The following ACP3 variants were observed in gnomAD, a reference collection of about 807,000 sequenced individuals.
The protein encoded by ACP3 is prostatic acid phosphatase.
A neutral mutation model predicts 45.6 loss-of-function variants in ACP3; 38 were observed. That is an observed-to-expected ratio of 0.83 (90% CI 0.64 to 1.09). The LOEUF (loss-of-function observed/expected upper bound fraction) is 1.09. ACP3 is among the 50% of genes least tolerant of loss of function. ACP3 has a pLI of 0.00. For missense variants in ACP3, 466 were observed against 463.2 expected, an observed-to-expected ratio of 1.01 and a Z score of -0.05; for synonymous variants, 162 against 164.7, an observed-to-expected ratio of 0.98 and a Z score of 0.13.
At chr3:132,348,237 C>T (rs189940917) in intron 7 of ACP3, among the ~76,000 whole-genome samples, 8 of 152,138 alleles carry the variant, frequency 5.3e-5, no homozygotes, top group South Asian at 2.1e-4. Context: ...GTCTAGTTTA[C>T]GAAGATTTAA....
intron 9 of ACP3, among the ~76,000 whole-genome samples, chr3:132,356,319 A>G (rs572961689): frequency 1.3e-5 from 2 of 152,248 alleles, no homozygotes; most frequent in African/African-American, 4.8e-5. Context: ...TGAGAAGCCT[A>G]AAAAGAAGGG....
chr3:132,364,794 G>A (rs1304748901), intron 10 of ACP3, among the ~76,000 whole-genome samples: 2 of 152,154 alleles, frequency 1.3e-5, no homozygotes, highest in Non-Finnish European at 2.9e-5. Context: ...AGAAAAGCAT[G>A]TTCCATCAGA....
rs189306604 is a variant in ACP3 at position 132,348,905 on chromosome 3, C to T, written c.782-1015C>T. 1.6e-3 allele frequency among the ~76,000 whole-genome samples: 245 copies of T among 150,982 alleles called. 1 individual carries two copies. The highest frequency in any genetic ancestry group is 5.7e-3 in the African/African-American group (235 of 41,316). On this transcript the variant is annotated intron_variant, in intron 7 of 9. Transcript: ENST00000336375. ...CTGATTCTCCTAGCACAGTATCTGG[C>T]GCATCATAGCTGCTCAGTGTGTGTT...
intron 9 of ACP3, 147 bp from the exon 10 acceptor site, chr3:132,356,539 T>G: frequency 6.8e-7 from 1 of 1,464,650 alleles, no homozygotes; most frequent in Non-Finnish European, 9.2e-7. Flanking sequence ...AGTCTCCCCA[T>G]TTACACACCT....
At chr3:132,327,514 G>GA (rs111653948) in intron 1 of ACP3, among the ~76,000 whole-genome samples, 13,820 of 130,514 alleles carry the variant, frequency 0.11, 704 homozygotes, top group Middle Eastern at 0.15. Context: ...ACTCAGTCTC[G>GA]AAAAAAAAAA....
chr3:132,365,356 T>C (rs1189584366), intron 10 of ACP3, among the ~76,000 whole-genome samples: 2 of 152,144 alleles, frequency 1.3e-5, no homozygotes, highest in African/African-American at 2.4e-5. Context: ...GAAGGTCTCA[T>C]GGAGATGAGA....
At chr3:132,344,777 A>G (rs1328511405) in intron 6 of ACP3, 150 bp from the exon 7 acceptor site, 2 of 814,144 alleles carry the variant, frequency 2.5e-6, no homozygotes, top group East Asian at 2.7e-5. Flanking sequence ...CAATACCACT[A>G]CTTATCACAA....
chr3:132,361,230 A>G (rs1180080152), downstream of ACP3, among the ~76,000 whole-genome samples: 1 of 152,168 alleles, frequency 6.6e-6, no homozygotes, highest in Non-Finnish European at 1.5e-5. Flanking sequence ...CCCTTGTTCA[A>G]TGATATCCAG....
Position 132,357,664 on chromosome 3 carries a change from C to T in ACP3, c.*786C>T, listed in dbSNP as rs1020267871. On this transcript the variant is annotated 3_prime_UTR_variant, in exon 10 of 10. Coordinates refer to ENST00000336375, the MANE Select transcript of ACP3 (RefSeq NM_001099.5). ...ATCTGATGAGAACAAGCTATTTGGG[C>T]ACAACACATCAGGAAAGAGAGCACC... The T allele has an allele frequency of 1.0e-6, 1 of 985,140 alleles. No homozygotes were observed. The highest frequency in any genetic ancestry group is 1.2e-6 in the Non-Finnish European group (1 of 829,866). 61.0% of individuals were successfully genotyped at this position (985,140 alleles called of 1,614,324 possible).
intron 8 of ACP3, among the ~76,000 whole-genome samples, 169 bp downstream of exon 8, chr3:132,350,171 T>C (rs1345511127): frequency 2.4e-5 from 3 of 122,546 alleles, no homozygotes; most frequent in African/African-American, 8.3e-5. Flanking sequence ...AAGGGATTTA[T>C]AATCTAAACT....
chr3:132,337,174 C>T (rs973557678), intron 4 of ACP3, among the ~76,000 whole-genome samples: 9 of 150,950 alleles, frequency 6.0e-5, no homozygotes, highest in Admixed American at 4.0e-4. Flanking sequence ...CGTGGAAGAT[C>T]GAGAAGTGTA....
chr3:132,359,400 C>T (rs182894500), downstream of ACP3, among the ~76,000 whole-genome samples: 4 of 152,076 alleles, frequency 2.6e-5, no homozygotes, highest in Admixed American at 1.3e-4. Context: ...CCCAGCTACT[C>T]GGGAGGCTGA....
At chr3:132,335,692 G>T (rs1002632151) in intron 4 of ACP3, among the ~76,000 whole-genome samples, 2 of 152,174 alleles carry the variant, frequency 1.3e-5, no homozygotes, top group African/African-American at 4.8e-5. Flanking sequence ...CAATGGGGGA[G>T]TGTTCAAGGC....
intron 9 of ACP3, among the ~76,000 whole-genome samples, chr3:132,355,519 T>C (rs943038984): frequency 6.6e-6 from 1 of 151,580 alleles, no homozygotes; most frequent in East Asian, 1.9e-4. Flanking sequence ...ATTTTTATTT[T>C]ATTTTATTTT....
At chr3:132,329,570 G>T (rs1377716719) in intron 2 of ACP3, among the ~76,000 whole-genome samples, 1 of 152,188 alleles carries the variant, frequency 6.6e-6, no homozygotes, top group Non-Finnish European at 1.5e-5. Flanking sequence ...CAAAAATTCA[G>T]ATTTGCTTGT....
intron 7 of ACP3, 41 bp downstream of exon 7, chr3:132,345,100 T>C: frequency 6.4e-7 from 1 of 1,571,708 alleles, no homozygotes; most frequent in Non-Finnish European, 8.7e-7. Flanking sequence ...GGATTTGTGG[T>C]TGAATGATCC....
intron 5 of ACP3, among the ~76,000 whole-genome samples, chr3:132,340,167 T>C (rs1003303677): frequency 6.6e-6 from 1 of 151,960 alleles, no homozygotes; most frequent in African/African-American, 2.4e-5. Flanking sequence ...CACAAAAAAT[T>C]AGCCAGGCGT....
At chr3:132,323,465 C>T (rs1937241444) in intron 1 of ACP3, among the ~76,000 whole-genome samples, 1 of 151,794 alleles carries the variant, frequency 6.6e-6, no homozygotes. Context: ...AATAAGAAAA[C>T]ATCAGGAATA....
At chr3:132,323,408 G>A (rs1271147794) in intron 1 of ACP3, among the ~76,000 whole-genome samples, 1 of 152,130 alleles carries the variant, frequency 6.6e-6, no homozygotes, top group African/African-American at 2.4e-5. Flanking sequence ...GGAGTTTCTA[G>A]GGACAGGGAG....
Sources: gnomAD v4.1 joint callset for allele counts (sites outside exome capture counted in the v4.1 genomes callset) on GRCh38, gnomAD v4.1.1 for gene constraint, MANE v1.5 for transcripts, NCBI Gene and HGNC (gene_info 2026-07-23, HGNC 2026-07-21) for gene names.